Variants in SSH1 observed in about 807,000 individuals in gnomAD.
The protein encoded by SSH1 is protein phosphatase Slingshot homolog 1.
In SSH1, 43 loss-of-function variants were observed where a neutral mutation model predicts 79.7. The ratio of observed to expected loss-of-function variants is 0.54; its 90% CI spans 0.42 to 0.70. The LOEUF (loss-of-function observed/expected upper bound fraction) is 0.70, where lower values mean the gene tolerates loss of function less well. SSH1 is among the 30% of genes least tolerant of loss of function. The pLI is 0.00. For missense variants in SSH1, 1,206 were observed against 1,358.8 expected (o/e 0.89, Z 1.77); for synonymous variants, 599 against 538.3 (o/e 1.11, Z -1.56).
Position 108,792,299 on chromosome 12 carries a change from G to A in SSH1, c.1880C>T (p.Pro627Leu). The A allele has an allele frequency of 6.2e-7, 1 of 1,614,162 alleles. No individual in the cohort carries two copies. The highest frequency in any genetic ancestry group is 8.5e-7 in the Non-Finnish European group (1 of 1,180,024). The part of the protein sequence containing the change: ...NLNNNSKRSC[P>L]NGMEDDAIFG... ...GGCTCTGCCTACCTCCATGCCGTTG[G>A]GACAGCTCCTCTTGCTGTTGTTGTT... Residue 627 changes from proline to leucine, a missense_variant, in exon 14 of 15, where the codon CCC becomes CTC. Physicochemically the swap from Pro to Leu is moderately conservative, Grantham distance 98. Around this residue, in one of 5 missense-constraint regions of SSH1, gnomAD observed 709 missense variants for 730.6 expected, o/e 0.97. Transcript: ENST00000326495.
rs2036150011 is a variant in SSH1 at position 108,781,903 on chromosome 12, C to T, written c.*6085G>A. ...CCAAGGTGGGAGGATCACTTGAAGACAGGAATTAAAGACCAGCCTGGGCAG... is the reference window on the plus strand; with the variant it reads ...CCAAGGTGGGAGGATCACTTGAAGATAGGAATTAAAGACCAGCCTGGGCAG... On this transcript the variant is annotated 3_prime_UTR_variant, in exon 15 of 15. Transcript: ENST00000326495. The T allele has an allele frequency of 6.6e-6, 1 of 152,118 alleles. No homozygotes were observed. Among genetic ancestry groups the T allele is most frequent in the African/African-American group, 2.4e-5 (1 of 41,390 alleles). The allele number at this position is 152,118 out of a possible 1,614,324, so 9.4% of individuals were successfully genotyped here. A position where few individuals can be genotyped will look rare whatever the true frequency, so the allele number is the denominator to read the frequency against.
Position 108,787,931 on chromosome 12 carries a change from AAGTG to A in SSH1, c.*53_*56del. 3 of 1,604,838 alleles carry A rather than the reference AAGTG, an allele frequency of 1.9e-6. No individual in the cohort carries two copies. The highest frequency in any genetic ancestry group is 2.6e-6 in the Non-Finnish European group (3 of 1,172,312). ...AGGGGTCGATCCAAATCCACAGTGA[AAGTG>A]AGGGAGGGATCATATGAAAATATCC... On this transcript the variant is annotated 3_prime_UTR_variant, in exon 15 of 15. Coordinates refer to ENST00000326495, the MANE Select transcript of SSH1 (RefSeq NM_018984.4).
chr12:108,786,538 C>T lies in SSH1; in HGVS notation c.*1450G>A, dbSNP rs1346665563. The T allele has an allele frequency of 2.0e-5, 3 of 152,248 alleles. No individual in the cohort carries two copies. Among genetic ancestry groups the T allele is most frequent in the Admixed American group, 6.5e-5 (1 of 15,290 alleles). 9.4% of individuals were successfully genotyped at this position (152,248 alleles called of 1,614,324 possible). The stretch of plus-strand genomic sequence containing the variant: ...TAAGTACCTCAGGCTTTGTGGGCCA[C>T]ATGAATTCTGTCACATATTATTTCT... On this transcript the variant is annotated 3_prime_UTR_variant, in exon 15 of 15. Transcript: ENST00000326495.
In SSH1 at chr12:108,825,052, C is replaced by T. The variant is rs1002224226; in HGVS notation, c.111-1691G>A. 2.0e-5 allele frequency among the ~76,000 whole-genome samples: 3 copies of T among 152,088 alleles called. No homozygotes were observed. In the South Asian group the frequency reaches 6.2e-4, roughly 32 times the overall value. On this transcript the variant is annotated intron_variant, in intron 2 of 14. Transcript: ENST00000326495. ...GTTTGATTCTCAAAATAATATAAAA[C>T]ACTACTATATAATTTAAAAAGAACA...
chr12:108,857,536 C>A lies in SSH1; in HGVS notation c.-40G>T. 1.9e-6 allele frequency: 2 copies of A among 1,048,766 alleles called. No homozygotes were observed. The highest frequency in any genetic ancestry group is 2.6e-5 in the South Asian group (1 of 37,840). The allele number at this position is 1,048,766 out of a possible 1,614,324, so 65.0% of individuals were successfully genotyped here. A position where few individuals can be genotyped will look rare whatever the true frequency, so the allele number is the denominator to read the frequency against. On this transcript the variant is annotated 5_prime_UTR_variant, in exon 1 of 15. Transcript: ENST00000326495. This position sits in a 1 kb window ranked among gnomAD's most constrained non-coding sequence, Gnocchi z 4.7. ...GCGAGGGCGCCACAGACGTCTCGAG[C>A]TAGAGCCGCCACCGCCACCGCCGCC...
chr12:108,792,106 T>G (rs948739966), intron 14 of SSH1, 180 bp downstream of exon 14: 1 of 1,471,436 alleles, frequency 6.8e-7, no homozygotes, highest in Admixed American at 2.6e-5. Flanking sequence ...AGAATCACCC[T>G]GTGAAAGAAC....
At chr12:108,804,976 G>A (rs949099974) in intron 10 of SSH1, 80 bp downstream of exon 10, 23 of 1,562,822 alleles carry the variant, frequency 1.5e-5, no homozygotes, top group African/African-American at 1.1e-4. Context: ...TTTTTCTCCC[G>A]GACTTGCTAC....
At position 108,807,619 on chromosome 12, in the gene SSH1, G is replaced by A. The variant is rs1238490591; in HGVS notation, c.731+14C>T. On this transcript the variant is annotated intron_variant, in intron 8 of 14. Transcript: ENST00000326495. This position sits in a 1 kb window ranked among gnomAD's most constrained non-coding sequence, Gnocchi z 5.2. ...TGGGCTTGGGTGCGCTCACACCAGAGGCACCTCACTTACTTGTCCACAAAT... is the reference window on the plus strand; with the variant it reads ...TGGGCTTGGGTGCGCTCACACCAGAAGCACCTCACTTACTTGTCCACAAAT... 1 of 1,611,978 alleles carries A rather than the reference G, an allele frequency of 6.2e-7. No homozygotes were observed. The highest frequency in any genetic ancestry group is 8.5e-7 in the Non-Finnish European group (1 of 1,178,830).
At chr12:108,846,114 T>G (rs959934292) in intron 2 of SSH1, among the ~76,000 whole-genome samples, 2 of 151,068 alleles carry the variant, frequency 1.3e-5, no homozygotes, top group Non-Finnish European at 2.9e-5. Context: ...GGGAAGGGAG[T>G]GCGGAGAGAA....
intron 5 of SSH1, among the ~76,000 whole-genome samples, chr12:108,816,760 C>A (rs2037907115): frequency 6.6e-6 from 1 of 152,232 alleles, no homozygotes; most frequent in Admixed American, 6.5e-5. Flanking sequence ...AGGTGCCCCA[C>A]TCTATAGCAG....
chr12:108,841,844 A>G (rs28374222), intron 2 of SSH1, among the ~76,000 whole-genome samples: 1,938 of 25,350 alleles, frequency 0.076, 21 homozygotes, highest in African/African-American at 0.36. Flanking sequence ...GTGTGTGTGT[A>G]TATATATATA....
chr12:108,847,323 C>A (rs2038920326), intron 2 of SSH1, among the ~76,000 whole-genome samples: 1 of 152,210 alleles, frequency 6.6e-6, no homozygotes, highest in Non-Finnish European at 1.5e-5. Context: ...GGAACTCAGC[C>A]ACCAGCACAG....
chr12:108,792,145 G>T, intron 14 of SSH1, 141 bp downstream of exon 14: 1 of 1,509,396 alleles, frequency 6.6e-7, no homozygotes, highest in Non-Finnish European at 8.9e-7. Context: ...GGGAGCTGGG[G>T]GCCCAGAGGA....
rs745562413 is a variant in SSH1, at chr12:108,792,383, C to T, written c.1796G>A (p.Gly599Glu). 4.3e-6 allele frequency: 7 copies of T among 1,614,196 alleles called. No homozygotes were observed. In the East Asian group the frequency reaches 8.9e-5, roughly 21 times the overall value. ...ETEREEGLGA[G>E]RWGQLPTQLD... ...CTGGGTTGGAAGCTGCCCCCACCTC[C>T]CTGCTCCCAGGCCCTCCTCCCTTTC... The change falls in exon 14 of 15, where the codon GGG becomes GAG. Residue 599 changes from glycine to glutamate, a missense_variant. By Grantham distance (98) the Gly-to-Glu change is moderately conservative. This residue lies in a region of SSH1 where 709 missense variants were observed against 730.6 expected (regional missense o/e 0.97). Coordinates refer to ENST00000326495, the MANE Select transcript of SSH1 (RefSeq NM_018984.4).
At chr12:108,819,533 G>A (rs1477221) in intron 3 of SSH1, among the ~76,000 whole-genome samples, 47,853 of 152,052 alleles carry the variant, frequency 0.31, 7,723 homozygotes, top group South Asian at 0.44. Flanking sequence ...GTCATCTGTA[G>A]AGATGCTAAT....
intron 1 of SSH1, 137 bp from the exon 2 acceptor site, chr12:108,852,815 G>A: frequency 6.4e-7 from 1 of 1,563,346 alleles, no homozygotes; most frequent in Non-Finnish European, 8.6e-7. Context: ...AAACAGCCGT[G>A]CCCTTTCCTC....
At chr12:108,818,374 C>CTT in intron 3 of SSH1, 61 bp from the exon 4 acceptor site, 1 of 1,473,358 alleles carries the variant, frequency 6.8e-7, no homozygotes, top group East Asian at 2.3e-5. Context: ...GAAAAAAAAC[C>CTT]TCTGAAAGGC....
rs878888234 is a variant in SSH1, at chr12:108,792,424, C to T, written c.1755G>A (p.Leu585=). 1 of 1,614,218 alleles carries T rather than the reference C, an allele frequency of 6.2e-7. No individual in the cohort carries two copies. Among genetic ancestry groups the T allele is most frequent in the African/African-American group, 1.3e-5 (1 of 75,058 alleles). ...GSPKGRSGSL[L]QVEETEREEG... Reference sequence around the variant, plus strand: ...CCTCCCTTTCCGTCTCCTCCACCTGCAGCAAGGAGCCGCTCCGACCTTTGG... The same window carrying T: ...CCTCCCTTTCCGTCTCCTCCACCTGTAGCAAGGAGCCGCTCCGACCTTTGG... Residue 585 remains leucine (L), a synonymous_variant, in exon 14 of 15, where the codon CTG becomes CTA. Transcript: ENST00000326495.
At chr12:108,827,368 C>CT (rs2038351577) in intron 2 of SSH1, 6 of 1,537,686 alleles carry the variant, frequency 3.9e-6, no homozygotes, top group Non-Finnish European at 5.3e-6. Context: ...GCTCACATCT[C>CT]TAACGCTCCC....
Sources: allele counts gnomAD v4.1 joint callset (sites outside exome capture counted in the v4.1 genomes callset), GRCh38; gene constraint gnomAD v4.1.1; regional missense constraint gnomAD v4.1.1; non-coding constraint Gnocchi (gnomAD v3.1); transcripts MANE v1.5; gene names NCBI Gene and HGNC (gene_info 2026-07-23, HGNC 2026-07-21).